FOXA3: variants seen among roughly 807,000 people sequenced by gnomAD.
The protein encoded by FOXA3 is hepatocyte nuclear factor 3-gamma.
In FOXA3, 11 loss-of-function variants were observed where a neutral mutation model predicts 16.9. The ratio of observed to expected loss-of-function variants is 0.65; its 90% CI spans 0.41 to 1.08. The LOEUF is 1.08. Ranked by LOEUF, FOXA3 falls within the 50% of genes least tolerant of loss-of-function variation. The pLI, the probability that FOXA3 is intolerant of heterozygous loss-of-function variation, is 0.00. For synonymous variants in FOXA3, 217 were observed against 203.3 expected, an observed-to-expected ratio of 1.07 and a Z score of -0.57; for missense variants, 423 against 470.1, an observed-to-expected ratio of 0.90 and a Z score of 0.93.
intron 1 of FOXA3, among the ~76,000 whole-genome samples, chr19:45,870,394 C>T (rs969187213): frequency 4.0e-5 from 6 of 150,310 alleles, no homozygotes; most frequent in South Asian, 2.1e-4. Context: ...AAGATGGTCT[C>T]GATCTCCTGA....
At chr19:45,864,557 TG>T in intron 1 of FOXA3, 32 bp downstream of exon 1, 2 of 1,488,626 alleles carry the variant, frequency 1.3e-6, no homozygotes, top group Non-Finnish European at 9.0e-7. Context: ...AGCGGGAAGT[TG>T]GGGGCAGGTA....
At chr19:45,869,390 C>A (rs187602792) in intron 1 of FOXA3, among the ~76,000 whole-genome samples, 1 of 152,310 alleles carries the variant, frequency 6.6e-6, no homozygotes, top group African/African-American at 2.4e-5. Context: ...ATCATCATAA[C>A]ACCTCCTCCC....
intron 1 of FOXA3, among the ~76,000 whole-genome samples, chr19:45,870,562 C>T (rs1003789981): frequency 1.4e-4 from 20 of 146,102 alleles, no homozygotes; most frequent in South Asian, 8.6e-4. Context: ...TCAGGACCAC[C>T]CCCCTTCTTT....
chr19:45,873,117 G>A lies in FOXA3; in HGVS notation c.*59G>A. The A allele has an allele frequency of 2.6e-6, 4 of 1,552,416 alleles. 1 individual carries two copies. In the South Asian group the frequency reaches 4.8e-5, roughly 18 times the overall value. ...GAGCTCACACCACGAAGCTCTTGGG[G>A]CCTGATCCTTCTGGTGACACTTCAC... On this transcript the variant is annotated 3_prime_UTR_variant, in exon 2 of 2. Transcript: ENST00000302177.
Position 45,872,547 on chromosome 19 carries a change from C to A in FOXA3, c.542C>A (p.Ser181Tyr). ...GACTGCTTCGTCAAGGTGGCGCGTT[C>A]CCCAGACAAGCCTGGCAAGGGCTCC... ...FNDCFVKVAR[S>Y]PDKPGKGSYW... The change falls in exon 2 of 2, where the codon TCC (serine) becomes TAC (tyrosine). Residue 181 changes from serine to tyrosine, a missense_variant. Coordinates refer to ENST00000302177, the MANE Select transcript of FOXA3 (RefSeq NM_004497.3). This position sits in a 1 kb window ranked among gnomAD's most constrained non-coding sequence, Gnocchi z 4.5. The A allele has an allele frequency of 6.2e-7, 1 of 1,614,152 alleles. No homozygotes were observed. Among genetic ancestry groups the A allele is most frequent in the Non-Finnish European group, 8.5e-7 (1 of 1,180,024 alleles).
intron 1 of FOXA3, among the ~76,000 whole-genome samples, chr19:45,870,376 T>G (rs1966894073): frequency 6.6e-6 from 1 of 151,356 alleles, no homozygotes; most frequent in South Asian, 2.1e-4. Flanking sequence ...GGTTTCACCG[T>G]GTTAGCCAAG....
rs202014979 is a variant in FOXA3, at chr19:45,872,340, C to A, written c.335C>A (p.Pro112His). The A allele has an allele frequency of 6.2e-7, 1 of 1,614,014 alleles. No homozygotes were observed. Among genetic ancestry groups the A allele is most frequent in the African/African-American group, 1.3e-5 (1 of 74,916 alleles). The change falls in exon 2 of 2, where the codon CCC becomes CAC. Residue 112 changes from proline to histidine, a missense_variant. This residue lies in a region of FOXA3 where 170 missense variants were observed against 153.9 expected (regional missense o/e 1.10). Coordinates refer to ENST00000302177, the MANE Select transcript of FOXA3 (RefSeq NM_004497.3). The surrounding 1 kb of genome is among the most constrained non-coding windows in gnomAD (Gnocchi z 4.5). ...GKEMPKGYRR[P>H]LAHAKPPYSY... ...GAGATGCCGAAGGGGTATCGGCGGC[C>A]CCTGGCACACGCCAAGCCACCGTAT...
Position 45,872,308 on chromosome 19 carries a change from C to G in FOXA3, c.303C>G (p.His101Gln). 6.2e-7 allele frequency: 1 copy of G among 1,614,034 alleles called. No individual in the cohort carries two copies. Among genetic ancestry groups the G allele is most frequent in the Non-Finnish European group, 8.5e-7 (1 of 1,179,918 alleles). The change falls in exon 2 of 2, where the codon CAC (histidine) becomes CAG (glutamine). Residue 101 changes from histidine to glutamine, a missense_variant. Around this residue, in one of 3 missense-constraint regions of FOXA3, gnomAD observed 170 missense variants for 153.9 expected, o/e 1.10. Transcript: ENST00000302177. The surrounding 1 kb of genome is among the most constrained non-coding windows in gnomAD (Gnocchi z 4.5). ...GYGAPGPGLV[H>Q]GKEMPKGYRR... ...GGGCCCCGGGTCCTGGGCTGGTGCA[C>G]GGGAAGGAGATGCCGAAGGGGTATC...
chr19:45,868,473 G>A (rs759768179), intron 1 of FOXA3, among the ~76,000 whole-genome samples: 13 of 151,912 alleles, frequency 8.6e-5, no homozygotes, highest in Non-Finnish European at 1.5e-4. Flanking sequence ...CCAGCTGCTC[G>A]GGAGGCTGAG....
Position 45,870,008 on chromosome 19 carries a change from A to T in FOXA3, c.70-2067A>T, listed in dbSNP as rs1009131944. Among the ~76,000 whole-genome samples, 21 of 151,076 alleles carry T rather than the reference A, an allele frequency of 1.4e-4. 1 individual carries two copies. The highest frequency in any genetic ancestry group is 1.4e-3 in the Admixed American group (21 of 15,142). The stretch of plus-strand genomic sequence containing the variant: ...GCCATGTTGGCCAGGCTGGTCTCGA[A>T]CTCCTGACCTCAAGTGATCCACCTG... On this transcript the variant is annotated intron_variant, in intron 1 of 1. Coordinates refer to ENST00000302177, the MANE Select transcript of FOXA3 (RefSeq NM_004497.3).
chr19:45,865,281 C>T (rs1382604811), intron 1 of FOXA3, among the ~76,000 whole-genome samples: 1 of 152,086 alleles, frequency 6.6e-6, no homozygotes, highest in East Asian at 1.9e-4. Context: ...TGCACCTTCC[C>T]CTGCTCCCCG....
rs1249548639 is a variant in FOXA3, at chr19:45,868,895, TTCTG to T, written c.70-3172_70-3169del. On this transcript the variant is annotated intron_variant, in intron 1 of 1. Transcript: ENST00000302177. ...CTGTTGGCACCACGAGGGCAGGCAT[TTCTG>T]TCTGTCTTAGTCACTGCTTTTATTT... 1.9e-4 allele frequency among the ~76,000 whole-genome samples: 29 copies of T among 152,282 alleles called. 1 individual carries two copies. Among genetic ancestry groups the T allele is most frequent in the African/African-American group, 7.0e-4 (29 of 41,558 alleles).
chr19:45,871,936 C>G, intron 1 of FOXA3, 139 bp from the exon 2 acceptor site: 1 of 858,250 alleles, frequency 1.2e-6, no homozygotes, highest in Non-Finnish European at 1.8e-6. Flanking sequence ...AGACTGCTTT[C>G]TACAGATAGA....
chr19:45,864,461 T>G lies in FOXA3; in HGVS notation c.5T>G (p.Leu2Arg). The G allele has an allele frequency of 6.7e-7, 1 of 1,501,926 alleles. No homozygotes were observed. 93.0% of individuals were successfully genotyped at this position (1,501,926 alleles called of 1,614,324 possible). A position where few individuals can be genotyped will look rare whatever the true frequency, so the allele number is the denominator to read the frequency against. M[L>R]GSVKMEAHDL... ...GTGGGGGCGTAAGCCCGGGGGATGC[T>G]GGGCTCAGTGAAGATGGAGGCCCAT... is the stretch of plus-strand genomic sequence containing the variant. The change falls in exon 1 of 2, where the codon CTG becomes CGG. Residue 2 changes from leucine to arginine, a missense_variant. Transcript: ENST00000302177.
At chr19:45,868,877 C>T (rs1600549306) in intron 1 of FOXA3, among the ~76,000 whole-genome samples, 2 of 152,312 alleles carry the variant, frequency 1.3e-5, no homozygotes, top group South Asian at 4.1e-4. Flanking sequence ...AGACTGTTGG[C>T]ACCACGAGGG....
intron 1 of FOXA3, among the ~76,000 whole-genome samples, chr19:45,867,845 G>A (rs1415025703): frequency 6.6e-6 from 1 of 150,828 alleles, no homozygotes; most frequent in Non-Finnish European, 1.5e-5. Flanking sequence ...AGTTGGGGTT[G>A]GGAGGGGAGT....
At chr19:45,868,566 TGA>T (rs1184076868) in intron 1 of FOXA3, among the ~76,000 whole-genome samples, 3 of 131,798 alleles carry the variant, frequency 2.3e-5, no homozygotes, top group African/African-American at 8.8e-5. Flanking sequence ...GGCGATACAG[TGA>T]GACTCTCTTA....
At position 45,872,827 on chromosome 19, in the gene FOXA3, C is replaced by T; in HGVS notation, c.822C>T (p.Gly274=). 1.2e-6 allele frequency: 2 copies of T among 1,612,992 alleles called. No homozygotes were observed. The highest frequency in any genetic ancestry group is 1.1e-5 in the South Asian group (1 of 91,088). The change falls in exon 2 of 2, where the codon GGC becomes GGT. Residue 274 remains glycine, a synonymous_variant. Transcript: ENST00000302177. The surrounding 1 kb of genome is among the most constrained non-coding windows in gnomAD (Gnocchi z 4.5). ...AAGATGTGGGGGCTCTGGACTGTGG[C>T]TCACCCGCTTCCTCCACACCCTATT... ...GGEDVGALDC[G]SPASSTPYFT... is the part of the protein sequence containing the mutation.
rs769347555 is a variant in FOXA3, at chr19:45,872,348, C to G, written c.343C>G (p.His115Asp). The change falls in exon 2 of 2, where the codon CAC (histidine) becomes GAC (aspartate). Residue 115 changes from histidine (H) to aspartate (D), a missense_variant. Physicochemically the swap from His to Asp is moderately conservative, Grantham distance 81. Transcript: ENST00000302177. The surrounding 1 kb of genome is among the most constrained non-coding windows in gnomAD (Gnocchi z 4.5). ...GAAGGGGTATCGGCGGCCCCTGGCA[C>G]ACGCCAAGCCACCGTATTCCTATAT... ...MPKGYRRPLA[H>D]AKPPYSYISL... 7 of 1,614,068 alleles carry G rather than the reference C, an allele frequency of 4.3e-6. No individual in the cohort carries two copies. In the Admixed American group the frequency reaches 1.2e-4, roughly 27 times the overall value.
Sources: gnomAD v4.1 joint callset for allele counts (sites outside exome capture counted in the v4.1 genomes callset) on GRCh38, gnomAD v4.1.1 for gene constraint, gnomAD v4.1.1 regional missense constraint, Gnocchi (gnomAD v3.1) non-coding constraint, MANE v1.5 for transcripts, NCBI Gene and HGNC (gene_info 2026-07-23, HGNC 2026-07-21) for gene names.